DGKI: variants seen among roughly 807,000 people sequenced by gnomAD.
DGKI encodes the protein DAG kinase iota.
Under a neutral mutation model 147.5 loss-of-function variants are expected in DGKI, and 55 were observed. The observed-to-expected ratio is 0.37, with a 90% CI of 0.30 to 0.47. DGKI has a LOEUF of 0.47. Among genes scored for constraint, DGKI ranks in the 20% least tolerant of loss-of-function variants. DGKI has a pLI of 1.00. For missense variants in DGKI, 1,007 were observed against 1,323.8 expected, an observed-to-expected ratio of 0.76 and a Z score of 3.71; for synonymous variants, 469 against 477.1, an observed-to-expected ratio of 0.98 and a Z score of 0.22.
intron 1 of DGKI, among the ~76,000 whole-genome samples, chr7:137,840,809 T>C (rs933817859): frequency 1.3e-5 from 2 of 152,254 alleles, no homozygotes; most frequent in African/African-American, 4.8e-5. Context: ...AATGTATTTA[T>C]TCAATAAATA....
chr7:137,801,485 G>C (rs1338436582), intron 1 of DGKI, among the ~76,000 whole-genome samples: 1 of 152,130 alleles, frequency 6.6e-6, no homozygotes, highest in Non-Finnish European at 1.5e-5. Context: ...AGAAAGCTTG[G>C]GACCCTCCAG....
At chr7:137,394,211 C>T (rs1037106335) in intron 32 of DGKI, among the ~76,000 whole-genome samples, 2 of 152,130 alleles carry the variant, frequency 1.3e-5, no homozygotes, top group South Asian at 4.2e-4. Context: ...AAGCCATATG[C>T]GACCCAGGAT....
At chr7:137,828,107 C>T (rs1174919744) in intron 1 of DGKI, among the ~76,000 whole-genome samples, 1 of 152,222 alleles carries the variant, frequency 6.6e-6, no homozygotes, top group Non-Finnish European at 1.5e-5. Context: ...TGTCTTGCTT[C>T]TCTCTATCAC....
At chr7:137,825,925 A>T (rs572825305) in intron 1 of DGKI, among the ~76,000 whole-genome samples, 24 of 152,246 alleles carry the variant, frequency 1.6e-4, no homozygotes, top group Non-Finnish European at 2.1e-4. Flanking sequence ...ATTAAGTAAC[A>T]AGAAAAAAAT....
chr7:137,645,145 C>A (rs114480956), intron 6 of DGKI, among the ~76,000 whole-genome samples: 1 of 152,178 alleles, frequency 6.6e-6, no homozygotes, highest in Non-Finnish European at 1.5e-5. Context: ...TGATTTGCTG[C>A]GATTGGCCAA....
chr7:137,793,307 G>GTT (rs754496481), intron 1 of DGKI, among the ~76,000 whole-genome samples: 12,647 of 143,832 alleles, frequency 0.088, 585 homozygotes, highest in Admixed American at 0.12. Context: ...CCTTTTTTTT[G>GTT]TTTTTTTTTT....
chr7:137,681,223 AC>A (rs1192011961), intron 2 of DGKI, among the ~76,000 whole-genome samples: 7 of 152,190 alleles, frequency 4.6e-5, no homozygotes, highest in Middle Eastern at 3.2e-3. Context: ...GTTCACCAAA[AC>A]TTTTTCTTCT....
In DGKI at chr7:137,703,230, T is replaced by C. The variant is rs556872710; in HGVS notation, c.402-13228A>G. On this transcript the variant is annotated intron_variant, in intron 1 of 32. Transcript: ENST00000614521. ...AGGAGAGAGAGGGAGAAGGGGGAAG[T>C]GCCATACACTTTTAAACCATCAGAT... is the stretch of plus-strand genomic sequence containing the variant. Among the ~76,000 whole-genome samples, 5 of 152,202 alleles carry C rather than the reference T, an allele frequency of 3.3e-5. No individual in the cohort carries two copies. The East Asian group carries it at 7.7e-4, about 24-fold the overall frequency.
intron 21 of DGKI, among the ~76,000 whole-genome samples, chr7:137,512,374 T>G (rs1370044911): frequency 6.6e-6 from 1 of 152,142 alleles, no homozygotes; most frequent in Non-Finnish European, 1.5e-5. Context: ...TAGTTGTGAC[T>G]CTGCAATGGC....
intron 2 of DGKI, among the ~76,000 whole-genome samples, chr7:137,686,979 T>G (rs1323717999): frequency 1.3e-5 from 2 of 152,200 alleles, no homozygotes; most frequent in African/African-American, 4.8e-5. Context: ...TTTTTTTTAA[T>G]CTTTTTCCTT....
intron 6 of DGKI, among the ~76,000 whole-genome samples, chr7:137,639,397 G>A (rs1387892152): frequency 6.6e-6 from 1 of 152,228 alleles, no homozygotes; most frequent in African/African-American, 2.4e-5. Context: ...AGGGAACAAA[G>A]AGGCCATTTG....
At chr7:137,527,799 T>C (rs1817203905) in intron 20 of DGKI, among the ~76,000 whole-genome samples, 1 of 152,112 alleles carries the variant, frequency 6.6e-6, no homozygotes, top group Non-Finnish European at 1.5e-5. Flanking sequence ...TAATAATGAA[T>C]TGCCTTAACT....
intron 3 of DGKI, among the ~76,000 whole-genome samples, chr7:137,663,394 C>T (rs765621055): frequency 6.6e-6 from 1 of 152,192 alleles, no homozygotes; most frequent in Non-Finnish European, 1.5e-5. Context: ...GCAGAGAAAG[C>T]AAATTCTTTA....
intron 1 of DGKI, among the ~76,000 whole-genome samples, chr7:137,774,444 T>TA (rs202073112): frequency 4.6e-5 from 7 of 151,684 alleles, no homozygotes; most frequent in East Asian, 3.9e-4. Flanking sequence ...TTCCCTACTG[T>TA]AAAAAAAAAT....
At chr7:137,572,739 A>T in intron 18 of DGKI, 26 bp downstream of exon 18, 1 of 1,524,136 alleles carries the variant, frequency 6.6e-7, no homozygotes, top group Non-Finnish European at 8.9e-7. Context: ...ACGTCAAACC[A>T]AGGAAACAAT....
At chr7:137,734,794 C>A (rs1794977019) in intron 1 of DGKI, among the ~76,000 whole-genome samples, 1 of 152,110 alleles carries the variant, frequency 6.6e-6, no homozygotes, top group African/African-American at 2.4e-5. Flanking sequence ...AGAATGAATT[C>A]ACAATGAGAG....
At chr7:137,586,773 T>C (rs114082794) in intron 13 of DGKI, among the ~76,000 whole-genome samples, 207 of 152,314 alleles carry the variant, frequency 1.4e-3, no homozygotes, top group African/African-American at 4.9e-3. Flanking sequence ...CTGGATTAAC[T>C]GAAGTCTGTA....
chr7:137,467,149 C>T (rs1027346181), intron 24 of DGKI, among the ~76,000 whole-genome samples: 1 of 152,232 alleles, frequency 6.6e-6, no homozygotes, highest in Admixed American at 6.5e-5. Flanking sequence ...TTCCCTTTGC[C>T]TCTGCCATCT....
intron 21 of DGKI, among the ~76,000 whole-genome samples, chr7:137,491,667 C>T (rs560149545): frequency 6.6e-6 from 1 of 152,294 alleles, no homozygotes; most frequent in South Asian, 2.1e-4. Flanking sequence ...AAACATAGTG[C>T]TTGTGGTCCA....
Sources: allele counts gnomAD v4.1 joint callset (sites outside exome capture counted in the v4.1 genomes callset), GRCh38; gene constraint gnomAD v4.1.1; transcripts MANE v1.5; gene names NCBI Gene and HGNC (gene_info 2026-07-23, HGNC 2026-07-21).